Variants in PAX5 observed in about 807,000 individuals in gnomAD.
PAX5 encodes paired box 5, also known as paired box protein Pax-5.
A neutral mutation model predicts 43.7 loss-of-function variants in PAX5; 9 were observed. The observed-to-expected ratio is 0.21, with a 90% CI of 0.12 to 0.36. The LOEUF (loss-of-function observed/expected upper bound fraction) is 0.36. Among genes scored for constraint, PAX5 ranks in the 10% least tolerant of loss-of-function variants. PAX5 has a pLI of 1.00. For missense variants in PAX5, 383 were observed against 532.7 expected (o/e 0.72, Z 2.77); for synonymous variants, 228 against 214.3 (o/e 1.06, Z -0.56).
chr9:36,999,077 G>A (rs1837633593), intron 5 of PAX5, among the ~76,000 whole-genome samples: 1 of 152,102 alleles, frequency 6.6e-6, no homozygotes, highest in South Asian at 2.1e-4. Context: ...TGTTTCTTGA[G>A]CATCTGAGAC....
At chr9:36,937,496 C>G (rs1466414564) in intron 6 of PAX5, among the ~76,000 whole-genome samples, 1 of 152,188 alleles carries the variant, frequency 6.6e-6, no homozygotes, top group African/African-American at 2.4e-5. Flanking sequence ...GACTCCAAAG[C>G]CTGTGTTCTT....
At chr9:37,026,259 C>A (rs1182451680) in intron 1 of PAX5, among the ~76,000 whole-genome samples, 1 of 152,266 alleles carries the variant, frequency 6.6e-6, no homozygotes, top group African/African-American at 2.4e-5. Context: ...CAGGGTTCTC[C>A]GAAAGAGCTG....
At position 36,840,542 on chromosome 9, in the gene PAX5, C is replaced by A. The variant is rs781779853; in HGVS notation, c.*18G>T. ...CAATAGGTGCCATCAGTGTTTGGTG[C>A]CCGCCTGGCTCCAAGGGTCAGTGAC... On this transcript the variant is annotated 3_prime_UTR_variant, in exon 10 of 10. Coordinates refer to ENST00000358127, the MANE Select transcript of PAX5 (RefSeq NM_016734.3). 2 of 1,574,330 alleles carry A rather than the reference C, an allele frequency of 1.3e-6. No individual in the cohort carries two copies. The highest frequency in any genetic ancestry group is 1.3e-5 in the African/African-American group (1 of 74,514).
At chr9:36,868,601 A>G (rs1163561265) in intron 8 of PAX5, among the ~76,000 whole-genome samples, 1 of 152,172 alleles carries the variant, frequency 6.6e-6, no homozygotes, top group African/African-American at 2.4e-5. Context: ...GTAGCATCCC[A>G]GCAGGAAGAG....
chr9:36,990,400 C>T (rs1270160405), intron 5 of PAX5, among the ~76,000 whole-genome samples: 7 of 152,038 alleles, frequency 4.6e-5, no homozygotes, highest in East Asian at 1.9e-4. Flanking sequence ...GACTGGAGTG[C>T]GCATGAAAAG....
Position 36,882,104 on chromosome 9 carries a change from G to A in PAX5, c.912C>T (p.Gly304=), listed in dbSNP as rs2131764290. 6.3e-7 allele frequency: 1 copy of A among 1,582,726 alleles called. No individual in the cohort carries two copies. The highest frequency in any genetic ancestry group is 8.6e-7 in the Non-Finnish European group (1 of 1,160,536). The change falls in exon 8 of 10, where the codon GGC becomes GGT. Residue 304 remains glycine, a splice_region_variant and synonymous_variant. Transcript: ENST00000358127. This position sits in a 1 kb window ranked among gnomAD's most constrained non-coding sequence, Gnocchi z 4.4. ...PGPQSYPIVT[G]RDLASTTLPG... The stretch of plus-strand genomic sequence containing the variant: ...GGAGGGTCGTGCTCGCCAAGTCACG[G>A]CCTGAGGAATCAAAGCAACAAATCA...
At chr9:36,894,742 G>A (rs1318854888) in intron 7 of PAX5, among the ~76,000 whole-genome samples, 1 of 152,210 alleles carries the variant, frequency 6.6e-6, no homozygotes. Context: ...ATTGTTAACC[G>A]TGCCTCCTGC....
intron 8 of PAX5, chr9:36,864,339 G>C (rs1469307773): frequency 6.5e-6 from 1 of 154,354 alleles, no homozygotes; most frequent in African/African-American, 2.4e-5. Context: ...ACTAGAGCCT[G>C]AGGAGTTCCA....
chr9:36,849,607 C>T (rs112906629), intron 8 of PAX5, among the ~76,000 whole-genome samples: 4 of 152,342 alleles, frequency 2.6e-5, no homozygotes, highest in African/African-American at 4.8e-5. Context: ...TCACGGCCTC[C>T]GTTATTAGCA....
chr9:36,983,348 A>G lies in PAX5; in HGVS notation c.605-16624T>C, dbSNP rs527652705. 3.9e-5 allele frequency among the ~76,000 whole-genome samples: 6 copies of G among 152,342 alleles called. No homozygotes were observed. The East Asian group carries it at 9.6e-4, about 24-fold the overall frequency. ...AGCTGTCCACATTTATAGCTGCTGC[A>G]TTCATGGAGATTCTACGCCTAAGTG... is the stretch of plus-strand genomic sequence containing the variant. On this transcript the variant is annotated intron_variant, in intron 5 of 9. Coordinates refer to ENST00000358127, the MANE Select transcript of PAX5 (RefSeq NM_016734.3).
intron 2 of PAX5, 120 bp downstream of exon 2, chr9:37,020,516 C>A: frequency 9.7e-7 from 1 of 1,034,646 alleles, no homozygotes; most frequent in Non-Finnish European, 1.4e-6. Context: ...AAGTGCTCTG[C>A]GTGTGAAACA....
intron 8 of PAX5, among the ~76,000 whole-genome samples, chr9:36,880,906 C>T (rs1008345171): frequency 6.6e-6 from 1 of 152,194 alleles, no homozygotes; most frequent in African/African-American, 2.4e-5. Context: ...TGCCCAGAGA[C>T]AGTCAAGAGT....
At chr9:36,984,898 T>G (rs932206553) in intron 5 of PAX5, among the ~76,000 whole-genome samples, 1 of 152,190 alleles carries the variant, frequency 6.6e-6, no homozygotes, top group Non-Finnish European at 1.5e-5. Context: ...GTGGTCACAC[T>G]ATAAAGCCAA....
chr9:36,936,395 CAA>C (rs1230114651), intron 6 of PAX5, among the ~76,000 whole-genome samples: 1 of 152,206 alleles, frequency 6.6e-6, no homozygotes, highest in Non-Finnish European at 1.5e-5. Flanking sequence ...GTTCCAGGGA[CAA>C]AGCTCCATCT....
chr9:36,911,784 T>A (rs1410111932), intron 7 of PAX5, among the ~76,000 whole-genome samples: 1 of 152,186 alleles, frequency 6.6e-6, no homozygotes, highest in African/African-American at 2.4e-5. Flanking sequence ...CAGAGGGGAT[T>A]GTGACAGAGG....
chr9:36,982,818 C>A (rs926845266), intron 5 of PAX5, among the ~76,000 whole-genome samples: 2 of 152,076 alleles, frequency 1.3e-5, no homozygotes, highest in African/African-American at 4.8e-5. Context: ...GTGCACAATA[C>A]CTGCAGATTT....
intron 6 of PAX5, among the ~76,000 whole-genome samples, chr9:36,959,412 C>T (rs1564010888): frequency 1.3e-5 from 2 of 152,224 alleles, no homozygotes; most frequent in African/African-American, 4.8e-5. Context: ...CTGTCTTCTT[C>T]CTTGCCCACA....
chr9:36,966,360 C>T (rs1440557626), intron 6 of PAX5, among the ~76,000 whole-genome samples, 189 bp downstream of exon 6: 1 of 152,216 alleles, frequency 6.6e-6, no homozygotes, highest in Non-Finnish European at 1.5e-5. Flanking sequence ...CACTGGAGGC[C>T]CAGACAAGCC....
chr9:36,948,805 A>T (rs1193869297), intron 6 of PAX5, among the ~76,000 whole-genome samples: 1 of 144,742 alleles, frequency 6.9e-6, no homozygotes, highest in African/African-American at 2.6e-5. Flanking sequence ...CCCTGCGCAA[A>T]CTCCCTCCTG....
Sources: allele counts gnomAD v4.1 joint callset (sites outside exome capture counted in the v4.1 genomes callset), GRCh38; gene constraint gnomAD v4.1.1; non-coding constraint Gnocchi (gnomAD v3.1); transcripts MANE v1.5; gene names NCBI Gene and HGNC (gene_info 2026-07-23, HGNC 2026-07-21).